DST: variants seen among roughly 807,000 people sequenced by gnomAD.
DST encodes dystonin, also known as bullous pemphigoid antigen.
A neutral mutation model predicts 875.2 loss-of-function variants in DST; 253 were observed. The observed-to-expected ratio is 0.29, with a 90% CI of 0.26 to 0.32. The LOEUF (loss-of-function observed/expected upper bound fraction) is 0.32, where lower values mean the gene tolerates loss of function less well. Ranked by LOEUF, DST falls within the 10% of genes least tolerant of loss-of-function variation. The probability of loss-of-function intolerance (pLI) is 1.00; values close to 1 mark genes in which losing one functional copy is unlikely to be tolerated. For synonymous variants in DST, 3,124 were observed against 3,197.1 expected, an observed-to-expected ratio of 0.98 and a Z score of 0.77; for missense variants, 8,287 against 9,111.6, an observed-to-expected ratio of 0.91 and a Z score of 3.68.
chr6:56,558,703 A>G (rs1209420013), intron 58 of DST, among the ~76,000 whole-genome samples: 1 of 152,168 alleles, frequency 6.6e-6, no homozygotes, highest in Non-Finnish European at 1.5e-5. Flanking sequence ...CCTAGACGAT[A>G]AAATCTGAAG....
intron 4 of DST, among the ~76,000 whole-genome samples, chr6:56,830,081 A>G (rs1411402139): frequency 6.6e-6 from 1 of 152,150 alleles, no homozygotes; most frequent in Non-Finnish European, 1.5e-5. Context: ...TATGTCACCC[A>G]TATGACTTCT....
chr6:56,667,811 T>TTTTATA (rs1554596726), intron 10 of DST, among the ~76,000 whole-genome samples: 63 of 141,638 alleles, frequency 4.4e-4, no homozygotes, highest in African/African-American at 1.6e-3. Flanking sequence ...GAAAAATGCA[T>TTTTATA]TATATATATA....
chr6:56,917,875 T>A (rs1444894796), intron 2 of DST, among the ~76,000 whole-genome samples: 1 of 152,120 alleles, frequency 6.6e-6, no homozygotes, highest in African/African-American at 2.4e-5. Context: ...TGTGTGAAAA[T>A]TTCAGAAAAA....
At chr6:56,560,451 A>G in intron 57 of DST, 28 bp from the exon 58 acceptor site, 1 of 1,565,734 alleles carries the variant, frequency 6.4e-7, no homozygotes. Context: ...ATAATAAATC[A>G]TGTGTACAGC....
intron 2 of DST, among the ~76,000 whole-genome samples, chr6:56,923,050 A>C (rs1295961164): frequency 6.6e-6 from 1 of 152,190 alleles, no homozygotes; most frequent in Non-Finnish European, 1.5e-5. Context: ...GTCCTAAATA[A>C]AATCTTGCCA....
At position 56,642,763 on chromosome 6, in the gene DST, C is replaced by T. The variant is rs201866780; in HGVS notation, c.1779-260G>A. 4.8e-5 allele frequency: 77 copies of T among 1,614,068 alleles called. No individual in the cohort carries two copies. Among genetic ancestry groups the T allele is most frequent in the East Asian group, 1.1e-4 (5 of 44,876 alleles). ...GTTACTAAACACAGAATCACTGCTA[C>T]GGTAACTATAACTACTACTGTGCAT... is the stretch of plus-strand genomic sequence containing the variant. On this transcript the variant is annotated intron_variant, in intron 15 of 103. Coordinates refer to ENST00000680361, the MANE Select transcript of DST (RefSeq NM_001374736.1).
chr6:56,696,400 G>A (rs1458802757), intron 9 of DST, among the ~76,000 whole-genome samples: 1 of 152,138 alleles, frequency 6.6e-6, no homozygotes, highest in East Asian at 1.9e-4. Flanking sequence ...AACCTCAGGT[G>A]ATCCACCTGC....
At chr6:56,616,838 T>G in intron 36 of DST, 1 of 1,614,126 alleles carries the variant, frequency 6.2e-7, no homozygotes, top group Non-Finnish European at 8.5e-7. Context: ...CTTCTCTGCC[T>G]CAAGAAGCCT....
intron 34 of DST, 113 bp from the exon 35 acceptor site, chr6:56,625,377 G>T: frequency 1.4e-6 from 1 of 738,026 alleles, no homozygotes. Flanking sequence ...TAACTTTAGT[G>T]ATTTGACACA....
Position 56,607,934 on chromosome 6 carries a change from T to C in DST, c.6694A>G (p.Met2232Val), listed in dbSNP as rs2098512661. Residue 2232 changes from methionine to valine, a missense_variant, in exon 40 of 104, where the codon ATG (methionine) becomes GTG (valine). By Grantham distance (21) the Met-to-Val change is conservative. Transcript: ENST00000680361. ...TCTGCATGACAGCCTTCCAGTAGCA[T>C]GCCAACAGCCTCATCCAAGTCTCCA... The part of the protein sequence containing the change: ...YDGDLDEAVG[M>V]LLEGCHAEFD... 14 of 1,613,700 alleles carry C rather than the reference T, an allele frequency of 8.7e-6. No homozygotes were observed. The highest frequency in any genetic ancestry group is 1.0e-5 in the Non-Finnish European group (12 of 1,179,732).
intron 4 of DST, among the ~76,000 whole-genome samples, chr6:56,836,875 A>C (rs1297524692): frequency 6.8e-6 from 1 of 147,846 alleles, no homozygotes; most frequent in Non-Finnish European, 1.5e-5. Context: ...AAAGAAAAAA[A>C]GAAAATAAAC....
At chr6:56,706,796 T>A (rs1354850168) in intron 5 of DST, among the ~76,000 whole-genome samples, 1 of 151,660 alleles carries the variant, frequency 6.6e-6, no homozygotes, top group African/African-American at 2.4e-5. Context: ...AGGTCAGGAG[T>A]TCGAGACCAG....
Position 56,801,662 on chromosome 6 carries a change from G to GA in DST, c.625+49734dup, listed in dbSNP as rs1040989426. Among the ~76,000 whole-genome samples the GA allele has an allele frequency of 6.7e-5, 10 of 149,640 alleles. No homozygotes were observed. The East Asian group carries it at 7.8e-4, about 12-fold the overall frequency. On this transcript the variant is annotated intron_variant, in intron 4 of 103. Transcript: ENST00000680361. ...CATATAATGTTTGAGAAGCCCCAAG[G>GA]AAAAAAATCACAATGTAAGTCTAAA...
At chr6:56,694,226 A>AAAAAATTAG in intron 9 of DST, among the ~76,000 whole-genome samples, 1 of 151,472 alleles carries the variant, frequency 6.6e-6, no homozygotes, top group Non-Finnish European at 1.5e-5. Context: ...TAAAAAAAAA[A>AAAAAATTAG]AAAAATTAGA....
intron 43 of DST, among the ~76,000 whole-genome samples, chr6:56,602,369 C>T (rs1220148043): frequency 1.3e-5 from 2 of 151,838 alleles, no homozygotes; most frequent in Non-Finnish European, 2.9e-5. Flanking sequence ...AGTACAGTAA[C>T]ATGCTGTAGA....
At chr6:56,719,926 G>A (rs1266050801) in intron 5 of DST, among the ~76,000 whole-genome samples, 6 of 152,184 alleles carry the variant, frequency 3.9e-5, no homozygotes, top group Non-Finnish European at 8.8e-5. Flanking sequence ...GAGGCAGGGC[G>A]AGATCACAGG....
intron 4 of DST, among the ~76,000 whole-genome samples, chr6:56,795,856 C>T (rs2099738928): frequency 6.6e-6 from 1 of 152,144 alleles, no homozygotes; most frequent in African/African-American, 2.4e-5. Flanking sequence ...AAATTATTTC[C>T]AATCTAGATA....
Position 56,826,951 on chromosome 6 carries a change from T to C in DST, c.625+24446A>G, listed in dbSNP as rs139680746. 3.3e-3 allele frequency among the ~76,000 whole-genome samples: 507 copies of C among 152,304 alleles called. 4 individuals are homozygous for C. The highest frequency in any genetic ancestry group is 0.012 in the African/African-American group (492 of 41,568). On this transcript the variant is annotated intron_variant, in intron 4 of 103. Transcript: ENST00000680361. ...TCCCCATGTTCTTGCCAGTGCTGGA[T>C]GTTATAATAAGTGCTTTTAGAAGAC...
In DST at chr6:56,487,175, G is replaced by C. The variant is rs199658821; in HGVS notation, c.20976C>G (p.Asn6992Lys). ...LKEKTSLADDNLKLDDMLSEL... is the reference protein window; with the variant it reads ...LKEKTSLADDKLKLDDMLSEL... Reference sequence around the variant, plus strand: ...CACTCAGCATGTCATCCAGTTTCAGGTTGTCATCAGCCAGGGAGGTTTTCT... The same window carrying C: ...CACTCAGCATGTCATCCAGTTTCAGCTTGTCATCAGCCAGGGAGGTTTTCT... Residue 6992 changes from asparagine (N) to lysine (K), a missense_variant, in exon 87 of 104, where the codon AAC becomes AAG. Physicochemically the swap from Asn to Lys is moderately conservative, Grantham distance 94. Coordinates refer to ENST00000680361, the MANE Select transcript of DST (RefSeq NM_001374736.1). 1.9e-6 allele frequency: 3 copies of C among 1,613,912 alleles called. No homozygotes were observed. In the East Asian group the frequency reaches 6.7e-5, roughly 36 times the overall value.
Sources: gnomAD v4.1 joint callset for allele counts (sites outside exome capture counted in the v4.1 genomes callset) on GRCh38, gnomAD v4.1.1 for gene constraint, MANE v1.5 for transcripts, NCBI Gene and HGNC (gene_info 2026-07-23, HGNC 2026-07-21) for gene names.